Variants in BMPR2 observed in about 807,000 individuals in gnomAD.
BMPR2 encodes the protein bone morphogenetic protein receptor type 2.
A neutral mutation model predicts 100.8 loss-of-function variants in BMPR2; 29 were observed. The observed-to-expected ratio is 0.29, with a 90% confidence interval of 0.21 to 0.39. The LOEUF (loss-of-function observed/expected upper bound fraction) is 0.39. BMPR2 is among the 10% of genes least tolerant of loss of function. The pLI, the probability that BMPR2 is intolerant of heterozygous loss-of-function variation, is 1.00. For missense variants in BMPR2, 1,011 were observed against 1,274.5 expected (o/e 0.79, Z 3.15); for synonymous variants, 382 against 442.3 (o/e 0.86, Z 1.71).
chr2:202,525,398 T>C (rs1687891619), intron 7 of BMPR2, among the ~76,000 whole-genome samples: 1 of 152,106 alleles, frequency 6.6e-6, no homozygotes, highest in African/African-American at 2.4e-5. Flanking sequence ...GGTTTCACCA[T>C]GTTGGCCAAG....
chr2:202,406,946 CT>C (rs976516178), intron 1 of BMPR2, among the ~76,000 whole-genome samples: 11 of 147,812 alleles, frequency 7.4e-5, no homozygotes, highest in Admixed American at 2.7e-4. Flanking sequence ...TTTTCTTTTT[CT>C]TTTTTTTTTG....
chr2:202,440,590 C>T (rs917795084), intron 1 of BMPR2, among the ~76,000 whole-genome samples: 4 of 150,724 alleles, frequency 2.7e-5, no homozygotes, highest in African/African-American at 5.0e-5. Context: ...GCTGCAATCT[C>T]GGCACTTTGG....
intron 9 of BMPR2, among the ~76,000 whole-genome samples, chr2:202,535,446 G>A (rs1400442918): frequency 3.3e-5 from 5 of 151,594 alleles, no homozygotes; most frequent in East Asian, 2.0e-4. Context: ...CATCCCAGAC[G>A]GGGCGGCGGG....
At chr2:202,442,035 C>T (rs13016850) in intron 1 of BMPR2, among the ~76,000 whole-genome samples, 16,715 of 132,302 alleles carry the variant, frequency 0.13, 1,277 homozygotes, top group Admixed American at 0.15. Context: ...CTTTGTCTCT[C>T]AAAAAAAAAA....
chr2:202,483,134 C>CT (rs1043204367), intron 3 of BMPR2, among the ~76,000 whole-genome samples: 1 of 152,012 alleles, frequency 6.6e-6, no homozygotes, highest in Non-Finnish European at 1.5e-5. Flanking sequence ...TATTGAGCAT[C>CT]TTTTTATGTG....
At chr2:202,545,036 A>G (rs1460611707) in intron 10 of BMPR2, among the ~76,000 whole-genome samples, 1 of 151,564 alleles carries the variant, frequency 6.6e-6, no homozygotes, top group African/African-American at 2.4e-5. Flanking sequence ...TACTGAGATC[A>G]TAAGCATGAG....
chr2:202,509,730 A>G (rs1238102823), intron 3 of BMPR2, among the ~76,000 whole-genome samples: 2 of 151,968 alleles, frequency 1.3e-5, no homozygotes, highest in East Asian at 1.9e-4. Context: ...TAAATTTTCA[A>G]TACTGAAATT....
intron 10 of BMPR2, among the ~76,000 whole-genome samples, chr2:202,545,950 T>C (rs1315638707): frequency 6.6e-6 from 1 of 152,224 alleles, no homozygotes; most frequent in Non-Finnish European, 1.5e-5. Context: ...AATTTTATTC[T>C]AGTAAAATAC....
chr2:202,436,172 G>A (rs1309171020), intron 1 of BMPR2, among the ~76,000 whole-genome samples: 2 of 150,700 alleles, frequency 1.3e-5, no homozygotes, highest in Non-Finnish European at 2.9e-5. Context: ...GTTTTATCTT[G>A]GCTAGGCACA....
In BMPR2 at chr2:202,555,576, A is replaced by G. The variant is rs1688553143; in HGVS notation, c.1911A>G (p.Glu637=). Reference sequence around the variant, plus strand: ...TATCTGAGATGCCATACCCAGATGAAACAAATCTGCATACCACAAATGTTG... The same window carrying G: ...TATCTGAGATGCCATACCCAGATGAGACAAATCTGCATACCACAAATGTTG... The part of the protein sequence containing the change: ...TTISEMPYPD[E]TNLHTTNVAQ... Residue 637 remains glutamate (E), a synonymous_variant, in exon 12 of 13, where the codon GAA becomes GAG. Transcript: ENST00000374580. 6.2e-7 allele frequency: 1 copy of G among 1,614,036 alleles called. No homozygotes were observed. The highest frequency in any genetic ancestry group is 8.5e-7 in the Non-Finnish European group (1 of 1,180,042).
At chr2:202,496,107 T>A (rs973996049) in intron 3 of BMPR2, among the ~76,000 whole-genome samples, 1 of 152,234 alleles carries the variant, frequency 6.6e-6, no homozygotes, top group African/African-American at 2.4e-5. Context: ...GCTGCAAACA[T>A]CATTTAGTTG....
At chr2:202,515,027 G>A in intron 5 of BMPR2, 48 bp downstream of exon 5, 2 of 1,468,460 alleles carry the variant, frequency 1.4e-6, no homozygotes, top group Non-Finnish European at 1.9e-6. Flanking sequence ...TGTGATACTA[G>A]ACCTGGAACA....
intron 5 of BMPR2, among the ~76,000 whole-genome samples, chr2:202,517,634 G>A (rs1687737996): frequency 6.6e-6 from 1 of 151,876 alleles, no homozygotes; most frequent in African/African-American, 2.4e-5. Flanking sequence ...ACAGGCGTGA[G>A]CCACCACGCC....
chr2:202,560,250 A>C lies in BMPR2; in HGVS notation c.*304A>C, dbSNP rs1688657243. 3.0e-6 allele frequency: 1 copy of C among 334,200 alleles called. No homozygotes were observed. The highest frequency in any genetic ancestry group is 6.7e-5 in the East Asian group (1 of 15,018). 20.7% of individuals were successfully genotyped at this position (334,200 alleles called of 1,614,324 possible). On this transcript the variant is annotated 3_prime_UTR_variant, in exon 13 of 13. Coordinates refer to ENST00000374580, the MANE Select transcript of BMPR2 (RefSeq NM_001204.7). ...GTGGTCTCAAAATATTTTTTTAAGAAAAAAAGCAAAAACAATGTATTGCTG... is the reference window on the plus strand; with the variant it reads ...GTGGTCTCAAAATATTTTTTTAAGACAAAAAGCAAAAACAATGTATTGCTG...
intron 1 of BMPR2, among the ~76,000 whole-genome samples, chr2:202,431,883 A>G (rs1691511324): frequency 6.6e-6 from 1 of 150,716 alleles, no homozygotes. Context: ...ACAAAAGAGT[A>G]GCCAATGAAA....
rs1022241983 is a variant in BMPR2 at position 202,377,622 on chromosome 2, G to A, written c.76+72G>A. 5.1e-5 allele frequency: 78 copies of A among 1,542,538 alleles called. 1 individual carries two copies. The highest frequency in any genetic ancestry group is 4.8e-4 in the South Asian group (43 of 89,448). ...GCGAGGGAGGGAGCCCGCAGAGGCC[G>A]AGGCCTGTGCTTGCCCTTCGCCATG... On this transcript the variant is annotated intron_variant, in intron 1 of 12. Coordinates refer to ENST00000374580, the MANE Select transcript of BMPR2 (RefSeq NM_001204.7).
intron 3 of BMPR2, among the ~76,000 whole-genome samples, chr2:202,480,486 G>T (rs1692637390): frequency 6.6e-6 from 1 of 151,990 alleles, no homozygotes; most frequent in African/African-American, 2.4e-5. Context: ...TTTTCTTGGG[G>T]TTTTATAGTT....
At chr2:202,420,047 G>A (rs1407809856) in intron 1 of BMPR2, among the ~76,000 whole-genome samples, 1 of 152,006 alleles carries the variant, frequency 6.6e-6, no homozygotes, top group Non-Finnish European at 1.5e-5. Context: ...TGGAATGATA[G>A]TCATTTGCTG....
chr2:202,470,785 AAAAAG>A (rs1386573882), intron 3 of BMPR2, among the ~76,000 whole-genome samples: 2 of 151,358 alleles, frequency 1.3e-5, no homozygotes, highest in Non-Finnish European at 2.9e-5. Flanking sequence ...AAAAAAAAAA[AAAAAG>A]AAAGTAAGGA....
Sources: gnomAD v4.1 joint callset for allele counts (sites outside exome capture counted in the v4.1 genomes callset) on GRCh38, gnomAD v4.1.1 for gene constraint, MANE v1.5 for transcripts, NCBI Gene and HGNC (gene_info 2026-07-23, HGNC 2026-07-21) for gene names.